Variants in LRP12 observed in about 807,000 individuals in gnomAD.
The protein encoded by LRP12 is low-density lipoprotein receptor-related protein 12.
Under a neutral mutation model 66.0 loss-of-function variants are expected in LRP12, and 14 were observed. The ratio of observed to expected loss-of-function variants is 0.21; its 90% CI spans 0.14 to 0.33. LRP12 has a LOEUF of 0.33. LRP12 is among the 10% of genes least tolerant of loss of function. LRP12 has a pLI of 1.00. For missense variants in LRP12, 889 were observed against 1,053.4 expected (o/e 0.84, Z 2.16); for synonymous variants, 357 against 359.1 (o/e 0.99, Z 0.07).
chr8:104,585,399 T>C (rs968197207), intron 1 of LRP12, among the ~76,000 whole-genome samples: 1 of 152,130 alleles, frequency 6.6e-6, no homozygotes, highest in Non-Finnish European at 1.5e-5. Context: ...CTAATTTTTG[T>C]ATTTTTAATA....
Position 104,491,367 on chromosome 8 carries a change from A to G in LRP12, c.1886T>C (p.Val629Ala), listed in dbSNP as rs1241347045. The change falls in exon 7 of 7, where the codon GTC becomes GCC. Residue 629 changes from valine (V) to alanine (A), a missense_variant. Transcript: ENST00000276654. ...TTCTCTACTGGTACTCTGACTAGGGACAACCTCATCTCCATCTGCTGAGAC... is the reference window on the plus strand; with the variant it reads ...TTCTCTACTGGTACTCTGACTAGGGGCAACCTCATCTCCATCTGCTGAGAC... ...ALVSADGDEVVPSQSTSREPE... is the reference protein window; with the variant it reads ...ALVSADGDEVAPSQSTSREPE... The G allele has an allele frequency of 6.2e-7, 1 of 1,613,964 alleles. No homozygotes were observed. The highest frequency in any genetic ancestry group is 1.3e-5 in the African/African-American group (1 of 74,886).
intron 1 of LRP12, among the ~76,000 whole-genome samples, chr8:104,549,480 G>A (rs992679429): frequency 1.5e-5 from 2 of 134,732 alleles, no homozygotes; most frequent in Admixed American, 1.7e-4. Context: ...TCGGCTCACC[G>A]CAAGCTCTGC....
Position 104,490,441 on chromosome 8 carries a change from G to A in LRP12, c.*232C>T. ...TGAAAACAATCAGAAACAAATGAAA[G>A]GACATTATTGAACAATATGAATATG... On this transcript the variant is annotated 3_prime_UTR_variant, in exon 7 of 7. Transcript: ENST00000276654. 2 of 459,064 alleles carry A rather than the reference G, an allele frequency of 4.4e-6. No individual in the cohort carries two copies. Among genetic ancestry groups the A allele is most frequent in the Non-Finnish European group, 7.7e-6 (2 of 261,010 alleles). 28.4% of individuals were successfully genotyped at this position (459,064 alleles called of 1,614,324 possible).
intron 1 of LRP12, among the ~76,000 whole-genome samples, chr8:104,547,184 C>T (rs1029493253): frequency 1.5e-5 from 2 of 135,698 alleles, no homozygotes; most frequent in East Asian, 4.2e-4. Flanking sequence ...ATATACAATT[C>T]TATGTTATAT....
intron 1 of LRP12, among the ~76,000 whole-genome samples, chr8:104,567,337 G>A (rs1409680026): frequency 2.6e-5 from 4 of 152,180 alleles, no homozygotes; most frequent in Admixed American, 1.3e-4. Context: ...AAATGAGGAC[G>A]AACCAAAAGT....
chr8:104,492,740 A>G (rs1442508859), intron 6 of LRP12, among the ~76,000 whole-genome samples: 1 of 152,206 alleles, frequency 6.6e-6, no homozygotes, highest in African/African-American at 2.4e-5. Flanking sequence ...ATAGTCTAAC[A>G]TTAGTAAGGC....
At chr8:104,582,604 G>C (rs141112751) in intron 1 of LRP12, among the ~76,000 whole-genome samples, 1,540 of 152,224 alleles carry the variant, frequency 0.01, 5 homozygotes, top group Non-Finnish European at 0.016. Context: ...AAAAAGTTAT[G>C]TTCTATACTT....
intron 1 of LRP12, among the ~76,000 whole-genome samples, chr8:104,535,767 C>T (rs1026624095): frequency 6.6e-6 from 1 of 151,948 alleles, no homozygotes; most frequent in Non-Finnish European, 1.5e-5. Flanking sequence ...TTCCTCACCT[C>T]TTAAAAAGAT....
At chr8:104,563,976 T>C (rs575344155) in intron 1 of LRP12, among the ~76,000 whole-genome samples, 1 of 152,332 alleles carries the variant, frequency 6.6e-6, no homozygotes, top group East Asian at 1.9e-4. Flanking sequence ...GTAACTACTA[T>C]GTAACTGTTT....
chr8:104,575,320 T>C (rs372575203), intron 1 of LRP12, among the ~76,000 whole-genome samples: 59 of 152,276 alleles, frequency 3.9e-4, no homozygotes, highest in South Asian at 2.1e-3. Context: ...ACCAGCTGCA[T>C]TGCCTCCACC....
chr8:104,498,025 C>G lies in LRP12; in HGVS notation c.527G>C (p.Gly176Ala), dbSNP rs1186604830. 6.2e-7 allele frequency: 1 copy of G among 1,612,762 alleles called. No individual in the cohort carries two copies. The highest frequency in any genetic ancestry group is 1.7e-5 in the Admixed American group (1 of 59,922). Residue 176 changes from glycine (G) to alanine (A), a missense_variant, in exon 5 of 7, where the codon GGA becomes GCA. This residue lies in a region of LRP12 where 800 missense variants were observed against 964.5 expected (regional missense o/e 0.83). Transcript: ENST00000276654. ...TTTCCAGGCTTCTGGTATACACTTT[C>G]CATTACCACAACGAAACTGATCACA... ...CACDQFRCGNGKCIPEAWKCN... is the reference protein window; with the variant it reads ...CACDQFRCGNAKCIPEAWKCN...
At chr8:104,570,515 T>C (rs1812061678) in intron 1 of LRP12, among the ~76,000 whole-genome samples, 1 of 152,196 alleles carries the variant, frequency 6.6e-6, no homozygotes, top group Non-Finnish European at 1.5e-5. Context: ...CAAAGGCAGC[T>C]CAATGGGAAA....
At chr8:104,566,207 C>A (rs1812002172) in intron 1 of LRP12, 1 of 673,946 alleles carries the variant, frequency 1.5e-6, no homozygotes, top group Non-Finnish European at 2.3e-6. Flanking sequence ...CCTGAAAATG[C>A]AGCACATAGA....
At chr8:104,572,072 T>A (rs1812087245) in intron 1 of LRP12, among the ~76,000 whole-genome samples, 2 of 152,222 alleles carry the variant, frequency 1.3e-5, no homozygotes, top group Non-Finnish European at 2.9e-5. Context: ...ATCCATAAAA[T>A]GGCAAGGAAT....
chr8:104,523,674 T>C (rs1364183902), intron 2 of LRP12, among the ~76,000 whole-genome samples: 1 of 152,126 alleles, frequency 6.6e-6, no homozygotes, highest in Admixed American at 6.5e-5. Context: ...AAACCCCAAA[T>C]AACACCACTG....
Position 104,489,691 on chromosome 8 carries a change from C to A in LRP12, c.*982G>T, listed in dbSNP as rs1458630369. Reference sequence around the variant, plus strand: ...ATTTCAAGTTGTAATAAAAATGTCCCCCGCCCCCAGCCAAAAGCTATGGAA... The same window carrying A: ...ATTTCAAGTTGTAATAAAAATGTCCACCGCCCCCAGCCAAAAGCTATGGAA... On this transcript the variant is annotated 3_prime_UTR_variant, in exon 7 of 7. Transcript: ENST00000276654. The A allele has an allele frequency of 6.6e-6, 1 of 151,966 alleles. No homozygotes were observed. Among genetic ancestry groups the A allele is most frequent in the African/African-American group, 2.4e-5 (1 of 41,356 alleles). The allele number at this position is 151,966 out of a possible 1,614,324, so 9.4% of individuals were successfully genotyped here.
intron 1 of LRP12, among the ~76,000 whole-genome samples, chr8:104,534,346 T>C (rs1207871741): frequency 1.3e-5 from 2 of 152,072 alleles, no homozygotes; most frequent in South Asian, 2.1e-4. Context: ...ATAACACTGA[T>C]GTGGAGGAAA....
intron 2 of LRP12, among the ~76,000 whole-genome samples, chr8:104,512,841 T>A (rs2140846512): frequency 6.6e-6 from 1 of 152,288 alleles, no homozygotes; most frequent in South Asian, 2.1e-4. Flanking sequence ...CACCCATAAA[T>A]AAGAATGACT....
chr8:104,525,895 CCT>C (rs1212593296), intron 2 of LRP12, among the ~76,000 whole-genome samples: 1 of 152,016 alleles, frequency 6.6e-6, no homozygotes, highest in African/African-American at 2.4e-5. Flanking sequence ...TCAAATTGTC[CCT>C]GTTTGCAGAC....
Sources: gnomAD v4.1 joint callset for allele counts (sites outside exome capture counted in the v4.1 genomes callset) on GRCh38, gnomAD v4.1.1 for gene constraint, gnomAD v4.1.1 regional missense constraint, MANE v1.5 for transcripts, NCBI Gene and HGNC (gene_info 2026-07-23, HGNC 2026-07-21) for gene names.